PLEKHG1: variants seen among roughly 807,000 people sequenced by gnomAD.
PLEKHG1 encodes the protein pleckstrin homology domain-containing family G member 1.
In PLEKHG1, 44 loss-of-function variants were observed where a neutral mutation model predicts 100.8. The observed-to-expected ratio is 0.44, with a 90% CI of 0.34 to 0.56. The LOEUF is 0.56. PLEKHG1 is among the 20% of genes least tolerant of loss of function. The probability of loss-of-function intolerance (pLI) is 0.01; values close to 1 mark genes in which losing one functional copy is unlikely to be tolerated. For missense variants in PLEKHG1, 1,545 were observed against 1,720.9 expected, an observed-to-expected ratio of 0.90 and a Z score of 1.81; for synonymous variants, 640 against 662.5, an observed-to-expected ratio of 0.97 and a Z score of 0.52.
chr6:150,628,784 C>A (rs953601761), intron 1 of PLEKHG1, among the ~76,000 whole-genome samples: 10 of 152,088 alleles, frequency 6.6e-5, no homozygotes, highest in African/African-American at 2.4e-4. Context: ...AGAATAAGAA[C>A]CTGTGTTGTA....
At chr6:150,681,851 A>G (rs1582935251) in intron 3 of PLEKHG1, among the ~76,000 whole-genome samples, 2 of 152,148 alleles carry the variant, frequency 1.3e-5, no homozygotes, top group Non-Finnish European at 2.9e-5. Context: ...TTTGGCCTTG[A>G]GTACAGAATG....
In PLEKHG1 at chr6:150,819,260, A is replaced by G. The variant is rs1776163017; in HGVS notation, c.1313-419A>G. ...GGGAGGAGGATCATATCCATGTCAG[A>G]TGAAAAAGAATAAATCCATATAGGC... On this transcript the variant is annotated intron_variant, in intron 11 of 15. Coordinates refer to ENST00000358517, the Ensembl canonical transcript of PLEKHG1. Among the ~76,000 whole-genome samples the G allele has an allele frequency of 2.0e-5, 3 of 151,892 alleles. No homozygotes were observed. In the South Asian group the frequency reaches 6.2e-4, roughly 32 times the overall value.
At chr6:150,732,180 T>C (rs1782303287) in intron 1 of PLEKHG1, among the ~76,000 whole-genome samples, 1 of 151,384 alleles carries the variant, frequency 6.6e-6, no homozygotes, top group South Asian at 2.1e-4. Flanking sequence ...AAGTGACCTT[T>C]TGACTTTGCA....
intron 4 of PLEKHG1, among the ~76,000 whole-genome samples, chr6:150,794,571 G>A (rs1786202624): frequency 6.6e-6 from 1 of 152,130 alleles, no homozygotes; most frequent in Admixed American, 6.5e-5. Context: ...GGAGGCTGAG[G>A]CAGGAGAATT....
intron 1 of PLEKHG1, among the ~76,000 whole-genome samples, chr6:150,626,491 C>T (rs775262807): frequency 8.5e-5 from 13 of 152,102 alleles, no homozygotes; most frequent in Non-Finnish European, 1.6e-4. Context: ...AACATGTGCT[C>T]TGTCTCTGTT....
chr6:150,750,644 A>G (rs557505627), intron 2 of PLEKHG1, among the ~76,000 whole-genome samples: 475 of 150,062 alleles, frequency 3.2e-3, no homozygotes, highest in Middle Eastern at 0.01. Flanking sequence ...AGCCGGGCGT[A>G]GTGGCGGGCG....
intron 1 of PLEKHG1, among the ~76,000 whole-genome samples, chr6:150,729,074 A>G (rs1782105623): frequency 6.6e-6 from 1 of 152,182 alleles, no homozygotes; most frequent in Middle Eastern, 3.2e-3. Context: ...ATCTCAATTC[A>G]GACTGACTGT....
chr6:150,795,439 G>A (rs973705500), intron 4 of PLEKHG1, among the ~76,000 whole-genome samples: 1 of 151,592 alleles, frequency 6.6e-6, no homozygotes, highest in African/African-American at 2.4e-5. Flanking sequence ...GCAAAAGCTA[G>A]TAATTTATTG....
At position 150,757,155 on chromosome 6, in the gene PLEKHG1, G is replaced by A. The variant is rs974289569; in HGVS notation, c.412-11483G>A. Among the ~76,000 whole-genome samples, 3 of 152,110 alleles carry A rather than the reference G, an allele frequency of 2.0e-5. No homozygotes were observed. In the South Asian group the frequency reaches 6.2e-4, roughly 32 times the overall value. On this transcript the variant is annotated intron_variant, in intron 2 of 15. Transcript: ENST00000358517. ...TGGGATTACAGGCGCCCACTACCAC[G>A]CCGAGCAATTTTGTTTTTGTATTTT...
chr6:150,731,304 C>T (rs1042550834), intron 1 of PLEKHG1, among the ~76,000 whole-genome samples: 3 of 152,158 alleles, frequency 2.0e-5, no homozygotes, highest in African/African-American at 7.2e-5. Context: ...ATTGCAAAAG[C>T]TTTAAAAATG....
chr6:150,669,878 G>A (rs1779527505), intron 3 of PLEKHG1, among the ~76,000 whole-genome samples: 1 of 152,136 alleles, frequency 6.6e-6, no homozygotes, highest in Non-Finnish European at 1.5e-5. Context: ...GATTACAGGC[G>A]TGAGCCACCA....
intron 3 of PLEKHG1, among the ~76,000 whole-genome samples, chr6:150,714,857 G>A (rs915632116): frequency 1.3e-5 from 2 of 150,456 alleles, no homozygotes; most frequent in Admixed American, 1.3e-4. Flanking sequence ...CGCCCAGGCT[G>A]GAGTGCAGTG....
intron 1 of PLEKHG1, among the ~76,000 whole-genome samples, chr6:150,632,242 GC>G (rs1313150618): frequency 2.0e-5 from 3 of 152,222 alleles, no homozygotes; most frequent in African/African-American, 7.2e-5. Flanking sequence ...CAGGGTATGG[GC>G]CACGATTGTC....
At chr6:150,667,699 G>A (rs74743494) in intron 3 of PLEKHG1, among the ~76,000 whole-genome samples, 2,215 of 152,174 alleles carry the variant, frequency 0.015, 24 homozygotes, top group African/African-American at 0.026. Flanking sequence ...AATATTACCC[G>A]GTTTTCCTCA....
intron 2 of PLEKHG1, among the ~76,000 whole-genome samples, chr6:150,760,355 A>C (rs1784086322): frequency 6.6e-6 from 1 of 152,186 alleles, no homozygotes; most frequent in South Asian, 2.1e-4. Context: ...GGTAGTTTAA[A>C]AAAGAAATAA....
intron 3 of PLEKHG1, chr6:150,662,365 A>G (rs1779226987): frequency 1.3e-5 from 2 of 152,212 alleles, no homozygotes. Context: ...TGTAGAAATA[A>G]ACAACCATTT....
chr6:150,807,569 T>C (rs9478827), intron 7 of PLEKHG1, among the ~76,000 whole-genome samples: 1 of 152,160 alleles, frequency 6.6e-6, no homozygotes, highest in African/African-American at 2.4e-5. Flanking sequence ...AAATCCCACA[T>C]AAATGTCAAA....
At chr6:150,677,300 ACACGCGCGCG>A (rs1779792214) in intron 3 of PLEKHG1, among the ~76,000 whole-genome samples, 1 of 151,520 alleles carries the variant, frequency 6.6e-6, no homozygotes, top group South Asian at 2.1e-4. Flanking sequence ...ACACACACAC[ACACGCGCGCG>A]CGCACACACA....
In PLEKHG1 at chr6:150,600,024, G is replaced by A; in HGVS notation, c.-204+7G>A. 2 of 232,062 alleles carry A rather than the reference G, an allele frequency of 8.6e-6. No homozygotes were observed. Among genetic ancestry groups the A allele is most frequent in the Non-Finnish European group, 1.9e-5 (2 of 108,032 alleles). The allele number at this position is 232,062 out of a possible 1,614,324, so 14.4% of individuals were successfully genotyped here. On this transcript the variant is annotated splice_region_variant and intron_variant, in intron 1 of 3. Coordinates refer to the PLEKHG1 transcript ENST00000367326. This position sits in a 1 kb window ranked among gnomAD's most constrained non-coding sequence, Gnocchi z 6.2. ...CGAAGCCGTCCCTCCCCGGGTAAGC[G>A]CCGGTCGGGCCCGGACGCCCTGGGG...
Sources: gnomAD v4.1 joint callset for allele counts (sites outside exome capture counted in the v4.1 genomes callset) on GRCh38, gnomAD v4.1.1 for gene constraint, Gnocchi (gnomAD v3.1) non-coding constraint, MANE v1.5 for transcripts, NCBI Gene and HGNC (gene_info 2026-07-23, HGNC 2026-07-21) for gene names.